The following NRXN3 variants were observed in gnomAD, a reference collection of about 807,000 sequenced individuals.
NRXN3 encodes the protein neurexin 3, also known as neurexin III.
A neutral mutation model predicts 137.6 loss-of-function variants in NRXN3; 32 were observed. That is an observed-to-expected ratio of 0.23 (90% CI 0.18 to 0.31). NRXN3 has a LOEUF of 0.31. Among genes scored for constraint, NRXN3 ranks in the 10% least tolerant of loss-of-function variants. The pLI is 1.00. For missense variants in NRXN3, 1,574 were observed against 2,062.5 expected (o/e 0.76, Z 4.59); for synonymous variants, 798 against 784.5 (o/e 1.02, Z -0.29).
chr14:79,460,953 T>A (rs1600641868), intron 15 of NRXN3, among the ~76,000 whole-genome samples: 1 of 152,324 alleles, frequency 6.6e-6, no homozygotes, highest in Non-Finnish European at 1.5e-5. Flanking sequence ...TCAGTTCTGG[T>A]GTTTATTTCA....
At chr14:78,346,028 G>T (rs1048776720) in intron 4 of NRXN3, among the ~76,000 whole-genome samples, 1 of 152,180 alleles carries the variant, frequency 6.6e-6, no homozygotes, top group African/African-American at 2.4e-5. Context: ...CACTTGGGAG[G>T]CTAAGAGGGG....
intron 15 of NRXN3, among the ~76,000 whole-genome samples, chr14:79,453,366 T>C (rs200417684): frequency 6.6e-6 from 1 of 152,050 alleles, no homozygotes; most frequent in African/African-American, 2.4e-5. Context: ...AGAGAGAGGT[T>C]CAAATACGCT....
chr14:78,346,915 G>T (rs552722157), intron 4 of NRXN3, among the ~76,000 whole-genome samples: 1 of 152,322 alleles, frequency 6.6e-6, no homozygotes, highest in South Asian at 2.1e-4. Context: ...GTTTTTACGT[G>T]CAGGGAAGGA....
intron 10 of NRXN3, among the ~76,000 whole-genome samples, chr14:78,899,653 A>G (rs77997593): frequency 6.6e-6 from 1 of 152,150 alleles, no homozygotes; most frequent in Non-Finnish European, 1.5e-5. Context: ...AAATGTTCAC[A>G]TTCATGAGAA....
At chr14:78,578,096 C>G (rs2096955213) in intron 4 of NRXN3, among the ~76,000 whole-genome samples, 1 of 151,908 alleles carries the variant, frequency 6.6e-6, no homozygotes. Flanking sequence ...CATAAATTAC[C>G]ATGACTTCAA....
chr14:78,170,681 T>A lies in NRXN3; in HGVS notation c.-704+7T>A, dbSNP rs886600534. The A allele has an allele frequency of 6.6e-6, 1 of 152,092 alleles. No homozygotes were observed. Among genetic ancestry groups the A allele is most frequent in the Non-Finnish European group, 1.5e-5 (1 of 68,042 alleles). The allele number at this position is 152,092 out of a possible 1,614,324, so 9.4% of individuals were successfully genotyped here. A position where few individuals can be genotyped will look rare whatever the true frequency, so the allele number is the denominator to read the frequency against. On this transcript the variant is annotated splice_region_variant and intron_variant, in intron 1 of 20. Coordinates refer to ENST00000335750, the MANE Select transcript of NRXN3 (RefSeq NM_001330195.2). ...CTTCTGTTCAACTGGAAAGGTAAGG[T>A]TTGCGGGGAAAGGAAGGCAGTCAGG...
At chr14:78,451,996 C>T (rs1469943446) in intron 4 of NRXN3, among the ~76,000 whole-genome samples, 1 of 152,170 alleles carries the variant, frequency 6.6e-6, no homozygotes, top group Non-Finnish European at 1.5e-5. Flanking sequence ...AGAAGACTTC[C>T]AGACAGTTCT....
chr14:79,756,668 T>C (rs1164750337), intron 19 of NRXN3, among the ~76,000 whole-genome samples: 2 of 152,174 alleles, frequency 1.3e-5, no homozygotes, highest in Non-Finnish European at 2.9e-5. Context: ...CTAACTTTCT[T>C]ATACCAGTCA....
chr14:78,679,264 G>A (rs1228707921), intron 6 of NRXN3, among the ~76,000 whole-genome samples: 2 of 152,230 alleles, frequency 1.3e-5, no homozygotes, highest in Middle Eastern at 3.4e-3. Context: ...TAACAATGGA[G>A]TCTGCCAGAT....
intron 6 of NRXN3, among the ~76,000 whole-genome samples, chr14:78,701,906 T>C (rs566221413): frequency 6.6e-6 from 1 of 152,292 alleles, no homozygotes; most frequent in East Asian, 1.9e-4. Context: ...GTTAACAAAA[T>C]ATAAAGCATG....
At chr14:79,405,503 C>A (rs1396042685) in intron 15 of NRXN3, among the ~76,000 whole-genome samples, 1 of 152,100 alleles carries the variant, frequency 6.6e-6, no homozygotes, top group Non-Finnish European at 1.5e-5. Context: ...CTAGAAGATG[C>A]CTTGATCCTT....
chr14:78,948,029 TG>T (rs1194998589), intron 10 of NRXN3, among the ~76,000 whole-genome samples: 11 of 152,222 alleles, frequency 7.2e-5, no homozygotes, highest in Non-Finnish European at 1.5e-5. Context: ...AGTTACTGCA[TG>T]GGACATGATT....
intron 8 of NRXN3, among the ~76,000 whole-genome samples, chr14:78,799,752 C>G (rs1480899718): frequency 2.0e-5 from 3 of 152,088 alleles, no homozygotes; most frequent in Admixed American, 1.3e-4. Context: ...AGTCAAAAGG[C>G]CTGTCTTATA....
intron 15 of NRXN3, among the ~76,000 whole-genome samples, chr14:79,009,179 A>G (rs1269672980): frequency 6.6e-6 from 1 of 152,022 alleles, no homozygotes. Flanking sequence ...CTGGTTCATA[A>G]CTCTTTGTAA....
intron 3 of NRXN3, among the ~76,000 whole-genome samples, chr14:78,290,140 A>G (rs2075655979): frequency 6.6e-6 from 1 of 152,210 alleles, no homozygotes; most frequent in South Asian, 2.1e-4. Context: ...TATATCTGGT[A>G]TAGACAATGC....
intron 15 of NRXN3, among the ~76,000 whole-genome samples, chr14:79,093,937 G>T (rs1291556489): frequency 6.6e-6 from 1 of 151,892 alleles, no homozygotes. Flanking sequence ...TCAAATAAAG[G>T]GGTTGCAGGG....
chr14:79,621,868 G>A (rs1318372008), intron 16 of NRXN3, among the ~76,000 whole-genome samples: 4 of 152,158 alleles, frequency 2.6e-5, no homozygotes, highest in South Asian at 2.1e-4. Context: ...CTAAATCCAG[G>A]TGTTTTTGAA....
intron 15 of NRXN3, among the ~76,000 whole-genome samples, chr14:79,391,027 G>C (rs528210987): frequency 6.6e-6 from 1 of 152,012 alleles, no homozygotes; most frequent in African/African-American, 2.4e-5. Context: ...TAGGCCCTTC[G>C]ACCTTGGACT....
intron 4 of NRXN3, among the ~76,000 whole-genome samples, chr14:78,637,441 A>G (rs1230018612): frequency 6.6e-6 from 1 of 152,184 alleles, no homozygotes; most frequent in Non-Finnish European, 1.5e-5. Flanking sequence ...TACACTGGTA[A>G]TTATTTGCTT....
Sources: allele counts gnomAD v4.1 joint callset (sites outside exome capture counted in the v4.1 genomes callset), GRCh38; gene constraint gnomAD v4.1.1; transcripts MANE v1.5; gene names NCBI Gene and HGNC (gene_info 2026-07-23, HGNC 2026-07-21).